Variants in RXFP1 observed in about 807,000 individuals in gnomAD.
RXFP1 encodes relaxin family peptide receptor 1.
Under a neutral mutation model 89.8 loss-of-function variants are expected in RXFP1, and 73 were observed. That is an observed-to-expected ratio of 0.81 (90% CI 0.67 to 0.99). The LOEUF (loss-of-function observed/expected upper bound fraction) is 0.99. RXFP1 is among the 50% of genes least tolerant of loss of function. The pLI, the probability that RXFP1 is intolerant of heterozygous loss-of-function variation, is 0.00. For missense variants in RXFP1, 793 were observed against 895.5 expected (o/e 0.89, Z 1.46); for synonymous variants, 277 against 305.5 (o/e 0.91, Z 0.97).
intron 2 of RXFP1, among the ~76,000 whole-genome samples, chr4:158,583,552 G>C (rs1377698869): frequency 2.6e-5 from 4 of 152,162 alleles, no homozygotes; most frequent in Non-Finnish European, 5.9e-5. Flanking sequence ...GAAAAGTGAT[G>C]TGTCATAAAT....
chr4:158,639,423 C>T, intron 14 of RXFP1, 92 bp downstream of exon 14: 1 of 750,678 alleles, frequency 1.3e-6, no homozygotes, highest in South Asian at 1.6e-5. Flanking sequence ...ATATTTTCTA[C>T]TAATTTGCCA....
At chr4:158,530,819 T>TTGTGGGACA (rs1743842286) in intron 1 of RXFP1, among the ~76,000 whole-genome samples, 1 of 152,206 alleles carries the variant, frequency 6.6e-6, no homozygotes, top group Admixed American at 6.5e-5. Context: ...TCTTTGTTGA[T>TTGTGGGACA]ATTTTCTCAA....
chr4:158,645,070 T>G lies in RXFP1; in HGVS notation c.1277T>G (p.Val426Gly). ...GTTACCTGCTTTGGAAACATTTTTG[T>G]CATTTGCATGCGACCTTATATCAGG... ...SAVTCFGNIF[V>G]ICMRPYIRSE... The change falls in exon 15 of 18, where the codon GTC (valine) becomes GGC (glycine). Residue 426 changes from valine to glycine, a missense_variant. Val to Gly is a moderately radical substitution (Grantham distance 109). Transcript: ENST00000307765. 1 of 1,614,194 alleles carries G rather than the reference T, an allele frequency of 6.2e-7. No homozygotes were observed. The highest frequency in any genetic ancestry group is 8.5e-7 in the Non-Finnish European group (1 of 1,180,012).
At chr4:158,610,196 C>T (rs865893385) in intron 6 of RXFP1, among the ~76,000 whole-genome samples, 2 of 152,094 alleles carry the variant, frequency 1.3e-5, no homozygotes, top group African/African-American at 2.4e-5. Flanking sequence ...ACCTGGGGGG[C>T]GGAGGTTGCA....
intron 11 of RXFP1, among the ~76,000 whole-genome samples, chr4:158,629,791 ATTT>A (rs891584521): frequency 6.6e-6 from 1 of 150,752 alleles, no homozygotes; most frequent in Non-Finnish European, 1.5e-5. Context: ...TGCCCAGCCA[ATTT>A]TTTTTTATTT....
intron 1 of RXFP1, chr4:158,544,353 G>A (rs1345845401): frequency 1.0e-6 from 1 of 985,070 alleles, no homozygotes; most frequent in Non-Finnish European, 1.2e-6. Flanking sequence ...TCCTTGCACT[G>A]AAGGATTTCA....
chr4:158,538,804 CA>C (rs10603295), intron 1 of RXFP1, among the ~76,000 whole-genome samples: 1,680 of 85,060 alleles, frequency 0.02, 16 homozygotes, highest in African/African-American at 0.039. Flanking sequence ...AATGCCGTCT[CA>C]AAAAAAAAAA....
At chr4:158,642,775 G>T (rs1303461953) in intron 14 of RXFP1, among the ~76,000 whole-genome samples, 2 of 152,094 alleles carry the variant, frequency 1.3e-5, no homozygotes, top group East Asian at 1.9e-4. Context: ...GAGGTTTGTT[G>T]CCTCACGCCA....
At chr4:158,536,300 T>C (rs924222925) in intron 1 of RXFP1, among the ~76,000 whole-genome samples, 3 of 152,198 alleles carry the variant, frequency 2.0e-5, no homozygotes, top group African/African-American at 7.2e-5. Flanking sequence ...TTTTAATCAA[T>C]AGTACTACCC....
intron 9 of RXFP1, among the ~76,000 whole-genome samples, chr4:158,625,846 G>A (rs949135995): frequency 1.9e-4 from 29 of 152,084 alleles, no homozygotes; most frequent in Non-Finnish European, 1.3e-4. Flanking sequence ...AGTGTTAGAA[G>A]AGGCTGAATA....
intron 3 of RXFP1, among the ~76,000 whole-genome samples, chr4:158,596,346 C>T (rs1207714447): frequency 6.6e-6 from 1 of 151,554 alleles, no homozygotes; most frequent in African/African-American, 2.4e-5. Context: ...TCACTGCAAC[C>T]TCTGCCTCCC....
At chr4:158,540,065 G>A (rs897464532) in intron 1 of RXFP1, among the ~76,000 whole-genome samples, 3 of 152,132 alleles carry the variant, frequency 2.0e-5, no homozygotes, top group East Asian at 1.9e-4. Flanking sequence ...CTGGCAGGGG[G>A]TAGTTACTGT....
At chr4:158,623,396 G>A (rs1314419690) in intron 9 of RXFP1, among the ~76,000 whole-genome samples, 1 of 148,426 alleles carries the variant, frequency 6.7e-6, no homozygotes, top group Non-Finnish European at 1.5e-5. Context: ...CAGCAAATCA[G>A]GAGGCTGAGG....
In RXFP1 at chr4:158,593,499, T is replaced by C. The variant is rs201064060; in HGVS notation, c.286T>C (p.Leu96=). The stretch of plus-strand genomic sequence containing the variant: ...TTTTGAGGCAGAAACACCTGAATGT[T>C]GTAAGTAATCAGAGCAGTTATTTTC... ...YPFEAETPEC[L]VGSVPVQCLC... is the part of the protein sequence containing the mutation. Residue 96 remains leucine (L), a splice_region_variant and synonymous_variant, in exon 3 of 18, where the codon TTG becomes CTG. Transcript: ENST00000307765. The C allele has an allele frequency of 2.6e-6, 4 of 1,562,728 alleles. No homozygotes were observed. Among genetic ancestry groups the C allele is most frequent in the Non-Finnish European group, 3.5e-6 (4 of 1,136,564 alleles).
At chr4:158,606,886 A>G (rs1762631221) in intron 5 of RXFP1, among the ~76,000 whole-genome samples, 1 of 152,112 alleles carries the variant, frequency 6.6e-6, no homozygotes. Flanking sequence ...AGCCTATAAT[A>G]AATTTTATAA....
chr4:158,592,140 G>A (rs963274209), intron 2 of RXFP1, among the ~76,000 whole-genome samples: 7 of 151,816 alleles, frequency 4.6e-5, no homozygotes, highest in Non-Finnish European at 7.4e-5. Context: ...AGTGACATAG[G>A]GGTTTAAAAT....
At chr4:158,619,559 T>C (rs1431983675) in intron 9 of RXFP1, among the ~76,000 whole-genome samples, 1 of 152,194 alleles carries the variant, frequency 6.6e-6, no homozygotes, top group Non-Finnish European at 1.5e-5. Context: ...CAAGGGGATT[T>C]AGCTATCTTT....
At chr4:158,588,784 A>G (rs1477396033) in intron 2 of RXFP1, among the ~76,000 whole-genome samples, 1 of 152,180 alleles carries the variant, frequency 6.6e-6, no homozygotes, top group Non-Finnish European at 1.5e-5. Context: ...GTACAATACA[A>G]TGGCTGTTCC....
chr4:158,573,824 G>T (rs1393622394), intron 2 of RXFP1, among the ~76,000 whole-genome samples: 1 of 152,202 alleles, frequency 6.6e-6, no homozygotes, highest in African/African-American at 2.4e-5. Context: ...AAGAATTCAG[G>T]AAGATTAAGG....
Sources: gnomAD v4.1 joint callset for allele counts (sites outside exome capture counted in the v4.1 genomes callset) on GRCh38, gnomAD v4.1.1 for gene constraint, MANE v1.5 for transcripts, NCBI Gene and HGNC (gene_info 2026-07-23, HGNC 2026-07-21) for gene names.